BRCA1: variants seen among roughly 807,000 people sequenced by gnomAD.
BRCA1 encodes breast cancer type 1 susceptibility protein.
In BRCA1, 140 loss-of-function variants were observed where a neutral mutation model predicts 173.7. The ratio of observed to expected loss-of-function variants is 0.81; its 90% CI spans 0.70 to 0.93. The LOEUF is 0.93. Among genes scored for constraint, BRCA1 ranks in the 40% least tolerant of loss-of-function variants. The pLI, the probability that BRCA1 is intolerant of heterozygous loss-of-function variation, is 0.00. For missense variants in BRCA1, 1,983 were observed against 2,172.5 expected (o/e 0.91, Z 1.73); for synonymous variants, 662 against 756.0 (o/e 0.88, Z 2.04).
Position 43,094,369 on chromosome 17 carries a change from T to C in BRCA1, c.1162A>G (p.Arg388Gly), listed in dbSNP as rs111312760. Residue 388 changes from arginine to glycine, a missense_variant, in exon 10 of 23, where the codon AGA becomes GGA. Arg to Gly is a moderately radical substitution (Grantham distance 125, BLOSUM62 -2). Coordinates refer to ENST00000357654, the MANE Select transcript of BRCA1 (RefSeq NM_007294.4). ...TCAGAACCTAACAGTTCATCACTTCTGGAAAACCACTCATTAACTTTCTGA... is the reference window on the plus strand; with the variant it reads ...TCAGAACCTAACAGTTCATCACTTCCGGAAAACCACTCATTAACTTTCTGA... ...SIQKVNEWFS[R>G]SDELLGSDDS... 1.2e-6 allele frequency: 2 copies of C among 1,614,216 alleles called. No individual in the cohort carries two copies. Among genetic ancestry groups the C allele is most frequent in the African/African-American group, 1.3e-5 (1 of 75,066 alleles).
At chr17:43,098,772 C>T (rs1406419680) in intron 7 of BRCA1, among the ~76,000 whole-genome samples, 3 of 151,432 alleles carry the variant, frequency 2.0e-5, no homozygotes, top group Non-Finnish European at 4.4e-5. Flanking sequence ...TCTTCCAAAG[C>T]GTTAGGATTA....
intron 1 of BRCA1, chr17:43,145,070 G>A (rs1489923084): frequency 2.5e-6 from 2 of 815,628 alleles, no homozygotes; most frequent in Non-Finnish European, 4.3e-6. Context: ...GCCGAAAAAG[G>A]CAGCAGCGAA....
At position 43,057,031 on chromosome 17, in the gene BRCA1, A is replaced by G. The variant is rs397509249; in HGVS notation, c.5277+21T>C. 1 of 1,613,008 alleles carries G rather than the reference A, an allele frequency of 6.2e-7. No individual in the cohort carries two copies. Among genetic ancestry groups the G allele is most frequent in the African/African-American group, 1.3e-5 (1 of 74,894 alleles). ...GAGTGGTGGGGTGAGATTTTTGTCA[A>G]CTTGAGGGAGGGAGCTTTACCTTTC... On this transcript the variant is annotated intron_variant, in intron 19 of 22. Transcript: ENST00000357654.
At chr17:43,072,265 T>G (rs1254714788) in intron 14 of BRCA1, among the ~76,000 whole-genome samples, 1 of 151,666 alleles carries the variant, frequency 6.6e-6, no homozygotes, top group Non-Finnish European at 1.5e-5. Flanking sequence ...GGTGCATGCC[T>G]GTAATCCCAG....
chr17:43,072,721 A>G (rs2052508205), intron 14 of BRCA1, among the ~76,000 whole-genome samples: 1 of 151,618 alleles, frequency 6.6e-6, no homozygotes, highest in African/African-American at 2.4e-5. Context: ...TAAGCCACCA[A>G]GCCTGGCTAA....
intron 18 of BRCA1, among the ~76,000 whole-genome samples, chr17:43,060,811 T>C (rs1406359562): frequency 1.3e-5 from 2 of 151,704 alleles, no homozygotes; most frequent in South Asian, 2.1e-4. Context: ...ACGACCAACA[T>C]TGGCCTATCT....
chr17:43,052,780 A>AAC (rs562562021), intron 19 of BRCA1, among the ~76,000 whole-genome samples: 19,014 of 117,414 alleles, frequency 0.16, 1,516 homozygotes, highest in African/African-American at 0.21. Context: ...GACGGACAGA[A>AAC]ACACACACAC....
rs786204220 is a variant in BRCA1 at position 43,093,300 on chromosome 17, G to A, written c.2231C>T (p.Ala744Val). Residue 744 changes from alanine to valine, a missense_variant, in exon 10 of 23, where the codon GCT (alanine) becomes GTT (valine). By Grantham distance (64) the Ala-to-Val change is moderately conservative. Transcript: ENST00000357654. ...TAACATGAGATCTTTGGGGTCTTCA[G>A]CATTATTAGACACTTTAACTGTTTC... is the stretch of plus-strand genomic sequence containing the variant. ...KLETVKVSNN[A>V]EDPKDLMLSG... 6.2e-7 allele frequency: 1 copy of A among 1,613,898 alleles called. No homozygotes were observed. Among genetic ancestry groups the A allele is most frequent in the Non-Finnish European group, 8.5e-7 (1 of 1,179,986 alleles).
upstream of BRCA1, chr17:43,125,455 C>A: frequency 2.8e-6 from 1 of 354,236 alleles, no homozygotes; most frequent in South Asian, 2.1e-5. Context: ...CGCTAAGCAG[C>A]AGCCTCTCAG....
intron 1 of BRCA1, among the ~76,000 whole-genome samples, chr17:43,134,585 T>A (rs1161906785): frequency 6.6e-6 from 1 of 152,206 alleles, no homozygotes; most frequent in Non-Finnish European, 1.5e-5. Context: ...TGAAAGGATT[T>A]CCCTACTAAA....
intron 12 of BRCA1, among the ~76,000 whole-genome samples, chr17:43,078,534 T>C (rs2052848823): frequency 6.6e-6 from 1 of 152,230 alleles, no homozygotes; most frequent in Non-Finnish European, 1.5e-5. Context: ...TTCTATTCAT[T>C]AAAAAGTCAC....
At chr17:43,129,254 T>C (rs2055944649), upstream of BRCA1, among the ~76,000 whole-genome samples, 1 of 152,188 alleles carries the variant, frequency 6.6e-6, no homozygotes, top group Non-Finnish European at 1.5e-5. Context: ...AGATTAATGC[T>C]CTTGCTGAAA....
chr17:43,106,567 T>C (rs1362430895), intron 3 of BRCA1, 34 bp from the exon 4 acceptor site: 3 of 1,449,508 alleles, frequency 2.1e-6, no homozygotes, highest in South Asian at 2.4e-5. Flanking sequence ...AACAATTTAA[T>C]TTACTTCCTT....
rs8176222 is a variant in BRCA1, at chr17:43,070,082, C to T, written c.4986+846G>A. Among the ~76,000 whole-genome samples, 8,689 of 152,026 alleles carry T rather than the reference C, an allele frequency of 0.057. 344 individuals are homozygous for T. The highest frequency in any genetic ancestry group is 0.079 in the Middle Eastern group (23 of 292). ...CTGAGTAGCTGGGATTATAGGCATG[C>T]GCCACCACGCCCGGCTAATTGTGTA... On this transcript the variant is annotated intron_variant, in intron 15 of 22. Coordinates refer to ENST00000357654, the MANE Select transcript of BRCA1 (RefSeq NM_007294.4).
chr17:43,117,211 G>A (rs1395384296), intron 2 of BRCA1, among the ~76,000 whole-genome samples: 1 of 152,198 alleles, frequency 6.6e-6, no homozygotes, highest in Non-Finnish European at 1.5e-5. Context: ...GGAGGCTGAG[G>A]TGGGTGGATC....
intron 7 of BRCA1, among the ~76,000 whole-genome samples, chr17:43,099,408 T>C (rs899982620): frequency 6.6e-6 from 1 of 151,738 alleles, no homozygotes; most frequent in African/African-American, 2.4e-5. Context: ...GTAGCTGGGA[T>C]TACAGTTATG....
At chr17:43,056,920 T>C (rs2051486765) in intron 19 of BRCA1, 132 bp downstream of exon 19, 4 of 831,118 alleles carry the variant, frequency 4.8e-6, no homozygotes, top group Non-Finnish European at 4.3e-6. Flanking sequence ...AAAAAGAACC[T>C]GTGTGAAAGT....
At chr17:43,123,948 C>T (rs2154576211) in intron 2 of BRCA1, 69 bp downstream of exon 2, 3 of 1,244,314 alleles carry the variant, frequency 2.4e-6, no homozygotes, top group Non-Finnish European at 3.6e-6. Context: ...TATGTAAGGT[C>T]AATTCTGTTC....
intron 3 of BRCA1, chr17:43,110,582 T>G (rs927106107): frequency 2.5e-6 from 1 of 397,354 alleles, no homozygotes; most frequent in African/African-American, 2.2e-5. Flanking sequence ...AGTAAGACCC[T>G]GTCTCAAAAA....
Sources: gnomAD v4.1 joint callset for allele counts (sites outside exome capture counted in the v4.1 genomes callset) on GRCh38, gnomAD v4.1.1 for gene constraint, MANE v1.5 for transcripts, NCBI Gene and HGNC (gene_info 2026-07-23, HGNC 2026-07-21) for gene names.